Variants in ZNF331 observed in about 807,000 individuals in gnomAD.
ZNF331 encodes the protein zinc finger protein 331, also known as C2H2-like zinc finger protein rearranged in thyroid adenomas.
In ZNF331, 2 loss-of-function variants were observed where a neutral mutation model predicts 7.0. That is an observed-to-expected ratio of 0.29 (90% CI 0.12 to 0.90). ZNF331 has a LOEUF of 0.90. ZNF331 is among the 40% of genes least tolerant of loss of function. The probability of loss-of-function intolerance (pLI) is 0.58; values close to 1 mark genes in which losing one functional copy is unlikely to be tolerated. For missense variants in ZNF331, 432 were observed against 587.7 expected (o/e 0.74, Z 2.74); for synonymous variants, 196 against 205.4 (o/e 0.95, Z 0.39).
intron 3 of ZNF331, among the ~76,000 whole-genome samples, chr19:53,565,084 C>T (rs1283085193): frequency 4.6e-5 from 7 of 152,128 alleles, no homozygotes; most frequent in Non-Finnish European, 7.4e-5. Context: ...TGTGGCTATT[C>T]GTACTTGGAA....
At chr19:53,566,988 G>T in intron 3 of ZNF331, among the ~76,000 whole-genome samples, 1 of 151,854 alleles carries the variant, frequency 6.6e-6, no homozygotes, top group South Asian at 2.1e-4. Context: ...TGTATATATA[G>T]ACAGATGCGT....
intron 3 of ZNF331, among the ~76,000 whole-genome samples, chr19:53,567,634 G>T (rs1306328216): frequency 3.9e-5 from 6 of 152,052 alleles, no homozygotes; most frequent in African/African-American, 7.2e-5. Context: ...CTCACTTGAG[G>T]CCAGGAGTTC....
Position 53,576,732 on chromosome 19 carries a change from A to G in ZNF331, c.172A>G (p.Thr58Ala). 2.5e-6 allele frequency: 4 copies of G among 1,611,612 alleles called. No homozygotes were observed. The highest frequency in any genetic ancestry group is 1.7e-4 in the Middle Eastern group (1 of 6,052). ...AGCATATGAAAATAAGAGTTTACCT[A>G]CAGAAAAAAACATTCATGAAATAAG... ...ESAYENKSLP[T>A]EKNIHEIRAS... Residue 58 changes from threonine (T) to alanine (A), a missense_variant, in exon 6 of 6, where the codon ACA (threonine) becomes GCA (alanine). By Grantham distance (58) the Thr-to-Ala change is moderately conservative. Transcript: ENST00000449416.
Position 53,568,693 on chromosome 19 carries a change from G to T in ZNF331, c.-73-611G>T, listed in dbSNP as rs1377365808. On this transcript the variant is annotated intron_variant, in intron 3 of 5. Transcript: ENST00000449416. Reference sequence around the variant, plus strand: ...TACTACATCCCACCCATCCGTCCCCGACAGGGAGCTGGCCAGAAATGGAGC... The same window carrying T: ...TACTACATCCCACCCATCCGTCCCCTACAGGGAGCTGGCCAGAAATGGAGC... 2.0e-5 allele frequency among the ~76,000 whole-genome samples: 3 copies of T among 151,284 alleles called. No homozygotes were observed. In the East Asian group the frequency reaches 5.8e-4, roughly 29 times the overall value.
intron 2 of ZNF331, among the ~76,000 whole-genome samples, chr19:53,530,225 C>T (rs1251335862): frequency 6.6e-6 from 1 of 152,076 alleles, no homozygotes; most frequent in African/African-American, 2.4e-5. Flanking sequence ...AACTCACTCA[C>T]CATGGCCAAG....
At chr19:53,534,949 A>C (rs868476395), upstream of ZNF331, among the ~76,000 whole-genome samples, 2 of 151,456 alleles carry the variant, frequency 1.3e-5, no homozygotes, top group South Asian at 4.2e-4. Flanking sequence ...TTTCCTTACT[A>C]ATCTTTTTTT....
At chr19:53,511,598 G>C in the ZNF331 span, among the ~76,000 whole-genome samples, 5 of 152,182 alleles carry the variant, frequency 3.3e-5, no homozygotes, top group African/African-American at 1.2e-4. Context: ...TGGTGGTTTT[G>C]CCATGATGTC....
intron 5 of ZNF331, among the ~76,000 whole-genome samples, chr19:53,574,696 G>A (rs752986201): frequency 5.3e-5 from 8 of 152,144 alleles, no homozygotes; most frequent in Non-Finnish European, 1.2e-4. Context: ...GAAGCACCTG[G>A]TGTCTGGTTG....
chr19:53,520,248 T>A (rs975751130), upstream of ZNF331, among the ~76,000 whole-genome samples: 3 of 152,002 alleles, frequency 2.0e-5, no homozygotes, highest in Non-Finnish European at 4.4e-5. Flanking sequence ...GGTTTCACCA[T>A]GTTGGGCAGG....
At position 53,573,076 on chromosome 19, in the gene ZNF331, G is replaced by A. The variant is rs912303940; in HGVS notation, c.136+1346G>A. Reference sequence around the variant, plus strand: ...TCTACTAAAAATATAAAAATTAGCCGGGCATGGTGGCGCACGCCTGTGATC... The same window carrying A: ...TCTACTAAAAATATAAAAATTAGCCAGGCATGGTGGCGCACGCCTGTGATC... On this transcript the variant is annotated intron_variant, in intron 5 of 5. Transcript: ENST00000449416. The surrounding 1 kb of genome is among the most constrained non-coding windows in gnomAD (Gnocchi z 4.2). 4.6e-5 allele frequency among the ~76,000 whole-genome samples: 7 copies of A among 152,060 alleles called. No individual in the cohort carries two copies. Among genetic ancestry groups the A allele is most frequent in the South Asian group, 4.1e-4 (2 of 4,826 alleles).
upstream of ZNF331, chr19:53,536,210 G>A (rs1234628095): frequency 6.6e-5 from 10 of 152,110 alleles, no homozygotes; most frequent in African/African-American, 2.4e-4. Context: ...ATTGAGATAT[G>A]TTACTGATTT....
Position 53,556,087 on chromosome 19 carries a change from A to G in ZNF331, c.-74+179A>G, listed in dbSNP as rs570632534. Among the ~76,000 whole-genome samples, 4 of 151,950 alleles carry G rather than the reference A, an allele frequency of 2.6e-5. No homozygotes were observed. The East Asian group carries it at 7.8e-4, about 30-fold the overall frequency. On this transcript the variant is annotated intron_variant, in intron 3 of 5. Coordinates refer to ENST00000449416, the MANE Select transcript of ZNF331 (RefSeq NM_001079906.2). Reference sequence around the variant, plus strand: ...GTGAAACCCCGTCTCTACTAAAAATACAAAAATTAGCCGGGAGTGGTGGTG... The same window carrying G: ...GTGAAACCCCGTCTCTACTAAAAATGCAAAAATTAGCCGGGAGTGGTGGTG...
intron 2 of ZNF331, among the ~76,000 whole-genome samples, chr19:53,532,463 A>G (rs2087578994): frequency 6.6e-6 from 1 of 152,034 alleles, no homozygotes; most frequent in Non-Finnish European, 1.5e-5. Context: ...TATATGCCAC[A>G]TTTTCTTTAC....
chr19:53,533,119 T>C (rs1011719469), intron 2 of ZNF331, among the ~76,000 whole-genome samples: 18 of 151,698 alleles, frequency 1.2e-4, no homozygotes, highest in Admixed American at 9.9e-4. Flanking sequence ...CCTTTCTTAA[T>C]GTAGGTGTTT....
intron 4 of ZNF331, among the ~76,000 whole-genome samples, chr19:53,570,403 A>T (rs2090384208): frequency 6.6e-6 from 1 of 152,252 alleles, no homozygotes; most frequent in African/African-American, 2.4e-5. Context: ...AACCTAAGTG[A>T]ATAACTGTAA....
chr19:53,551,265 T>C (rs1244997384), intron 2 of ZNF331, among the ~76,000 whole-genome samples: 1 of 152,230 alleles, frequency 6.6e-6, no homozygotes, highest in Non-Finnish European at 1.5e-5. Flanking sequence ...CATAATTCCA[T>C]CTAGAGATAA....
At chr19:53,559,979 A>C (rs2089761179) in intron 3 of ZNF331, among the ~76,000 whole-genome samples, 1 of 150,024 alleles carries the variant, frequency 6.7e-6, no homozygotes, top group South Asian at 2.2e-4. Context: ...GTACACATAT[A>C]TACACACACC....
chr19:53,542,701 T>C lies in ZNF331; in HGVS notation c.-138+3419T>C, dbSNP rs147239159. Among the ~76,000 whole-genome samples the C allele has an allele frequency of 2.4e-3, 365 of 152,292 alleles. 6 individuals are homozygous for C. Among genetic ancestry groups the C allele is most frequent in the African/African-American group, 8.2e-3 (341 of 41,518 alleles). On this transcript the variant is annotated intron_variant, in intron 2 of 5. Transcript: ENST00000449416. Reference sequence around the variant, plus strand: ...CCTCGTTATATTTCTTAGAATCTCTTTTGCTAATGTATTCATTTTGTTAAA... The same window carrying C: ...CCTCGTTATATTTCTTAGAATCTCTCTTGCTAATGTATTCATTTTGTTAAA...
At position 53,538,205 on chromosome 19, in the gene ZNF331, T is replaced by G. The variant is rs1178438492; in HGVS notation, c.-296T>G. The G allele has an allele frequency of 6.6e-6, 1 of 151,962 alleles. No homozygotes were observed. Among genetic ancestry groups the G allele is most frequent in the Non-Finnish European group, 1.5e-5 (1 of 68,056 alleles). 9.4% of individuals were successfully genotyped at this position (151,962 alleles called of 1,614,324 possible). ...CCTGTCCCCGTAACTGTGACACGGG[T>G]GCACGCGAGCGTCATTGGGGGCGAT... On this transcript the variant is annotated 5_prime_UTR_variant, in exon 1 of 6. Coordinates refer to ENST00000449416, the MANE Select transcript of ZNF331 (RefSeq NM_001079906.2).
Sources: allele counts gnomAD v4.1 joint callset (sites outside exome capture counted in the v4.1 genomes callset), GRCh38; gene constraint gnomAD v4.1.1; non-coding constraint Gnocchi (gnomAD v3.1); transcripts MANE v1.5; gene names NCBI Gene and HGNC (gene_info 2026-07-23, HGNC 2026-07-21).